Variants in MAPK10 observed in about 807,000 individuals in gnomAD.
The protein encoded by MAPK10 is mitogen-activated protein kinase 10, also known as JNK3 alpha protein kinase.
In MAPK10, 25 loss-of-function variants were observed where a neutral mutation model predicts 59.3. The observed-to-expected ratio is 0.42, with a 90% confidence interval of 0.31 to 0.59. MAPK10 has a LOEUF of 0.59. Among genes scored for constraint, MAPK10 ranks in the 20% least tolerant of loss-of-function variants. The pLI is 0.15. For missense variants in MAPK10, 351 were observed against 568.9 expected, an observed-to-expected ratio of 0.62 and a Z score of 3.90; for synonymous variants, 190 against 200.5, an observed-to-expected ratio of 0.95 and a Z score of 0.44.
At chr4:86,090,981 T>C (rs1379027236) in intron 9 of MAPK10, 1 of 152,132 alleles carries the variant, frequency 6.6e-6, no homozygotes, top group Non-Finnish European at 1.5e-5. Context: ...CCAATTCTAT[T>C]ACTTTCCAAC....
intron 2 of MAPK10, among the ~76,000 whole-genome samples, chr4:86,205,138 A>T (rs1400957765): frequency 6.6e-6 from 1 of 152,010 alleles, no homozygotes; most frequent in Non-Finnish European, 1.5e-5. Flanking sequence ...TTTAAGTGGT[A>T]AGGGATAGAT....
rs997240315 is a variant in MAPK10, at chr4:86,012,122, T to G, written c.*5106A>C. 1 of 152,304 alleles carries G rather than the reference T, an allele frequency of 6.6e-6. No homozygotes were observed. The highest frequency in any genetic ancestry group is 1.9e-4 in the East Asian group (1 of 5,184). The allele number at this position is 152,304 out of a possible 1,614,324, so 9.4% of individuals were successfully genotyped here. A position where few individuals can be genotyped will look rare whatever the true frequency, so the allele number is the denominator to read the frequency against. ...TGCCCCCCCAAAAGATGATCTTTTT[T>G]TTCTTCATTGATTTTATACCTTAAA... On this transcript the variant is annotated 3_prime_UTR_variant, in exon 14 of 14. Coordinates refer to ENST00000641462, the MANE Select transcript of MAPK10 (RefSeq NM_138982.4).
intron 9 of MAPK10, among the ~76,000 whole-genome samples, chr4:86,086,207 G>A (rs1265098866): frequency 1.3e-5 from 2 of 152,086 alleles, no homozygotes; most frequent in East Asian, 1.9e-4. Flanking sequence ...CAAAACAATT[G>A]AACTCATCGA....
chr4:86,252,297 T>C (rs2093482730), intron 2 of MAPK10, among the ~76,000 whole-genome samples: 2 of 124,664 alleles, frequency 1.6e-5, no homozygotes, highest in East Asian at 4.0e-4. Flanking sequence ...AGGGTTTTTA[T>C]GGTTTTAGGT....
chr4:86,299,004 A>G (rs2095420627), intron 2 of MAPK10, among the ~76,000 whole-genome samples: 1 of 152,204 alleles, frequency 6.6e-6, no homozygotes, highest in South Asian at 2.1e-4. Context: ...TTCTTTTTAT[A>G]AGAAAAGAAA....
intron 3 of MAPK10, among the ~76,000 whole-genome samples, chr4:86,178,953 A>T (rs1456507450): frequency 6.6e-6 from 1 of 152,170 alleles, no homozygotes; most frequent in African/African-American, 2.4e-5. Flanking sequence ...TTATAATCCC[A>T]GCACTTTGGG....
chr4:86,580,589 C>T (rs1762196247), intron 1 of MAPK10, among the ~76,000 whole-genome samples: 1 of 152,082 alleles, frequency 6.6e-6, no homozygotes, highest in South Asian at 2.1e-4. Context: ...AAATATGCAA[C>T]TTTATCAAAT....
At chr4:86,041,039 CACTT>C (rs1292859225) in intron 11 of MAPK10, 3 of 152,082 alleles carry the variant, frequency 2.0e-5, no homozygotes, top group Admixed American at 6.6e-5. Flanking sequence ...GTGTAAAACT[CACTT>C]ACAAAGATAA....
intron 3 of MAPK10, among the ~76,000 whole-genome samples, chr4:86,169,953 C>A (rs1369368956): frequency 2.0e-5 from 3 of 152,032 alleles, no homozygotes. Flanking sequence ...ATTTCATATC[C>A]AGCCAAACTA....
intron 1 of MAPK10, among the ~76,000 whole-genome samples, chr4:86,470,718 G>A (rs1472188561): frequency 6.6e-6 from 1 of 151,518 alleles, no homozygotes; most frequent in Non-Finnish European, 1.5e-5. Context: ...TTAATACCAA[G>A]GGAAAGAATT....
intron 1 of MAPK10, among the ~76,000 whole-genome samples, chr4:86,557,210 G>A (rs1335482771): frequency 1.3e-5 from 2 of 151,994 alleles, no homozygotes; most frequent in African/African-American, 4.8e-5. Context: ...TTTGTTAAAT[G>A]GCAATGGTAA....
chr4:86,246,073 T>C (rs2093064910), intron 2 of MAPK10, among the ~76,000 whole-genome samples: 1 of 152,156 alleles, frequency 6.6e-6, no homozygotes, highest in Non-Finnish European at 1.5e-5. Context: ...ATCCTTTCAT[T>C]TAAAAATTGA....
At chr4:86,456,365 A>C (rs1579285872), upstream of MAPK10, among the ~76,000 whole-genome samples, 1 of 152,276 alleles carries the variant, frequency 6.6e-6, no homozygotes, top group Non-Finnish European at 1.5e-5. Flanking sequence ...AGTAAAACAA[A>C]AACCTGGTTA....
chr4:86,500,161 A>G (rs540250878), intron 1 of MAPK10, among the ~76,000 whole-genome samples: 1 of 152,182 alleles, frequency 6.6e-6, no homozygotes, highest in Admixed American at 6.5e-5. Flanking sequence ...ACTTCATTTT[A>G]GGATATAGAA....
At chr4:86,156,836 A>T (rs558651495) in intron 4 of MAPK10, among the ~76,000 whole-genome samples, 1 of 152,084 alleles carries the variant, frequency 6.6e-6, no homozygotes, top group African/African-American at 2.4e-5. Flanking sequence ...GATCCTGACC[A>T]CTGTTGCTAA....
chr4:86,062,570 A>T (rs927256368), intron 11 of MAPK10, among the ~76,000 whole-genome samples: 1 of 152,184 alleles, frequency 6.6e-6, no homozygotes, highest in Non-Finnish European at 1.5e-5. Context: ...AATGCATTAA[A>T]AACAGATTAT....
chr4:86,231,343 TTGG>T (rs1246782868), intron 2 of MAPK10, among the ~76,000 whole-genome samples: 1 of 152,086 alleles, frequency 6.6e-6, no homozygotes, highest in Non-Finnish European at 1.5e-5. Flanking sequence ...TTTGCCAAAG[TTGG>T]TAACCTATAT....
rs182033561 is a variant in MAPK10 at position 86,414,039 on chromosome 4, G to A, written c.-122+38991C>T. 2.0e-3 allele frequency among the ~76,000 whole-genome samples: 304 copies of A among 152,044 alleles called. 2 individuals are homozygous for A. Among genetic ancestry groups the A allele is most frequent in the Non-Finnish European group, 3.7e-3 (249 of 67,976 alleles). ...CTGAAGACCGGAGCTGTTCCTATTC[G>A]GCCACCTTATAAGCGACCCCGCATA... On this transcript the variant is annotated intron_variant, in intron 1 of 13. Transcript: ENST00000361569.
chr4:86,174,286 G>C (rs1217591375), intron 3 of MAPK10, among the ~76,000 whole-genome samples: 2 of 152,210 alleles, frequency 1.3e-5, no homozygotes, highest in Non-Finnish European at 2.9e-5. Context: ...ATACTACGCA[G>C]TCGTAAAGAG....
Sources: gnomAD v4.1 joint callset for allele counts (sites outside exome capture counted in the v4.1 genomes callset) on GRCh38, gnomAD v4.1.1 for gene constraint, MANE v1.5 for transcripts, NCBI Gene and HGNC (gene_info 2026-07-23, HGNC 2026-07-21) for gene names.